DAB1: variants seen among roughly 807,000 people sequenced by gnomAD.
DAB1 encodes DAB adaptor protein 1.
Under a neutral mutation model 64.6 loss-of-function variants are expected in DAB1, and 15 were observed. The ratio of observed to expected loss-of-function variants is 0.23; its 90% CI spans 0.16 to 0.36. The LOEUF (loss-of-function observed/expected upper bound fraction) is 0.36, where lower values mean the gene tolerates loss of function less well. DAB1 is among the 10% of genes least tolerant of loss of function. The probability of loss-of-function intolerance (pLI) is 1.00; values close to 1 mark genes in which losing one functional copy is unlikely to be tolerated. For synonymous variants in DAB1, 235 were observed against 251.9 expected, an observed-to-expected ratio of 0.93 and a Z score of 0.64; for missense variants, 596 against 706.7, an observed-to-expected ratio of 0.84 and a Z score of 1.78.
intron 3 of DAB1, among the ~76,000 whole-genome samples, chr1:58,475,684 G>A (rs1001496637): frequency 6.6e-6 from 1 of 152,094 alleles, no homozygotes. Context: ...ATATTAACAA[G>A]AATCAGCACA....
chr1:57,500,770 A>C (rs1187178179), intron 7 of DAB1, among the ~76,000 whole-genome samples: 14 of 152,212 alleles, frequency 9.2e-5, no homozygotes, highest in Admixed American at 9.2e-4. Flanking sequence ...TGGTTATAAT[A>C]GAACATTAGA....
intron 4 of DAB1, among the ~76,000 whole-genome samples, chr1:58,220,258 T>C (rs946628636): frequency 6.6e-6 from 1 of 152,182 alleles, no homozygotes; most frequent in Non-Finnish European, 1.5e-5. Context: ...TTTGGCTTCA[T>C]ATTAGAATCA....
chr1:57,401,054 T>C (rs1370622749), intron 1 of DAB1, among the ~76,000 whole-genome samples: 4 of 151,130 alleles, frequency 2.6e-5, no homozygotes, highest in Non-Finnish European at 5.9e-5. Flanking sequence ...TTGACATGAT[T>C]AGTAGCACAG....
At chr1:58,501,933 C>CG (rs1645913576) in intron 3 of DAB1, among the ~76,000 whole-genome samples, 1 of 152,024 alleles carries the variant, frequency 6.6e-6, no homozygotes, top group Non-Finnish European at 1.5e-5. Context: ...CACTGCCCCC[C>CG]ACTCCCGCCC....
intron 7 of DAB1, among the ~76,000 whole-genome samples, chr1:57,431,275 GC>G (rs1319453352): frequency 2.0e-5 from 3 of 151,580 alleles, no homozygotes; most frequent in African/African-American, 7.3e-5. Context: ...TGTCTTATCT[GC>G]CACAATCAGA....
chr1:58,184,297 ATAATAATATATAT>A (rs1434286807), intron 4 of DAB1, among the ~76,000 whole-genome samples: 1 of 148,344 alleles, frequency 6.7e-6, no homozygotes, highest in Non-Finnish European at 1.5e-5. Flanking sequence ...GATATATAAC[ATAATAATATATAT>A]TAATAATATA....
At chr1:58,186,150 G>C (rs1179438699) in intron 4 of DAB1, among the ~76,000 whole-genome samples, 1 of 152,206 alleles carries the variant, frequency 6.6e-6, no homozygotes, top group African/African-American at 2.4e-5. Flanking sequence ...TCACTAGTAA[G>C]ACTTCTGGTT....
chr1:58,024,820 G>C (rs1646865882), intron 5 of DAB1, among the ~76,000 whole-genome samples: 2 of 152,152 alleles, frequency 1.3e-5, no homozygotes, highest in Non-Finnish European at 2.9e-5. Flanking sequence ...GAACAAAAAG[G>C]CTGAGTAAGT....
intron 1 of DAB1, among the ~76,000 whole-genome samples, chr1:57,291,732 G>A (rs888177481): frequency 4.6e-5 from 7 of 152,176 alleles, no homozygotes; most frequent in Non-Finnish European, 8.8e-5. Context: ...CCAGCTATAA[G>A]AGCAGACAAG....
At chr1:57,522,096 C>T (rs891938142) in intron 7 of DAB1, among the ~76,000 whole-genome samples, 2 of 150,310 alleles carry the variant, frequency 1.3e-5, no homozygotes, top group Non-Finnish European at 2.9e-5. Flanking sequence ...GGCGACAGAG[C>T]GAGACTCCAT....
chr1:57,612,208 T>C (rs1359718180), intron 7 of DAB1, among the ~76,000 whole-genome samples: 5 of 151,878 alleles, frequency 3.3e-5, no homozygotes, highest in Non-Finnish European at 5.9e-5. Context: ...TGTGTGTGTG[T>C]GTGTGTGTGT....
intron 7 of DAB1, among the ~76,000 whole-genome samples, chr1:57,623,828 G>A (rs1348619566): frequency 6.6e-6 from 1 of 152,196 alleles, no homozygotes; most frequent in Non-Finnish European, 1.5e-5. Flanking sequence ...ATGCCCTGAA[G>A]TCAAATCCAT....
intron 1 of DAB1, chr1:58,530,776 A>G: frequency 1.2e-6 from 1 of 843,440 alleles, no homozygotes; most frequent in Middle Eastern, 2.2e-4. Context: ...ACATTGAGAC[A>G]GTATATGCTT....
intron 7 of DAB1, among the ~76,000 whole-genome samples, chr1:57,493,525 T>C (rs1460263730): frequency 6.6e-6 from 1 of 152,202 alleles, no homozygotes; most frequent in Non-Finnish European, 1.5e-5. Flanking sequence ...CTTTTGTTAA[T>C]CCGCTGATCC....
chr1:57,531,380 T>A (rs1331660843), intron 7 of DAB1, among the ~76,000 whole-genome samples: 1 of 152,124 alleles, frequency 6.6e-6, no homozygotes, highest in Non-Finnish European at 1.5e-5. Flanking sequence ...TCTTCCTTGC[T>A]GACTCTCTTT....
At chr1:57,200,655 A>T (rs1316843358) in intron 2 of DAB1, among the ~76,000 whole-genome samples, 26 of 152,212 alleles carry the variant, frequency 1.7e-4, no homozygotes. Flanking sequence ...ACTTAATAAT[A>T]AGAATGCAAA....
At chr1:57,433,971 C>G (rs1270198596) in intron 7 of DAB1, among the ~76,000 whole-genome samples, 1 of 151,874 alleles carries the variant, frequency 6.6e-6, no homozygotes, top group Non-Finnish European at 1.5e-5. Context: ...ACTAAGATGG[C>G]TAAAATTTAA....
intron 7 of DAB1, among the ~76,000 whole-genome samples, chr1:57,642,085 T>C (rs1468670111): frequency 6.6e-6 from 1 of 152,002 alleles, no homozygotes; most frequent in Non-Finnish European, 1.5e-5. Flanking sequence ...CATTAGCATA[T>C]GGAAGTGCTC....
At chr1:57,402,934 C>A (rs904776673) in intron 1 of DAB1, among the ~76,000 whole-genome samples, 1 of 152,170 alleles carries the variant, frequency 6.6e-6, no homozygotes, top group African/African-American at 2.4e-5. Context: ...CCCCTCACCC[C>A]CAACCCCTGC....
Sources: allele counts gnomAD v4.1 joint callset (sites outside exome capture counted in the v4.1 genomes callset), GRCh38; gene constraint gnomAD v4.1.1; transcripts MANE v1.5; gene names NCBI Gene and HGNC (gene_info 2026-07-23, HGNC 2026-07-21).